Variants in PRKN observed in about 807,000 individuals in gnomAD.
PRKN encodes the protein parkin RBR E3 ubiquitin protein ligase, also known as E3 ubiquitin-protein ligase parkin.
PRKN carries 56 observed loss-of-function variants against 59.5 expected under a neutral mutation model. That is an observed-to-expected ratio of 0.94 (90% CI 0.76 to 1.18). PRKN has a LOEUF of 1.18. PRKN is among the 50% of genes most tolerant of loss of function. PRKN has a pLI of 0.00. For missense variants in PRKN, 657 were observed against 596.4 expected, an observed-to-expected ratio of 1.10 and a Z score of -1.06; for synonymous variants, 250 against 222.1, an observed-to-expected ratio of 1.13 and a Z score of -1.12.
chr6:162,572,497 C>T (rs145103130), intron 1 of PRKN, among the ~76,000 whole-genome samples: 1 of 152,204 alleles, frequency 6.6e-6, no homozygotes, highest in Non-Finnish European at 1.5e-5. Flanking sequence ...TCACAGCATC[C>T]GAATTACTAT....
chr6:161,763,209 G>A (rs557021572), intron 7 of PRKN, among the ~76,000 whole-genome samples: 1 of 152,188 alleles, frequency 6.6e-6, no homozygotes, highest in East Asian at 1.9e-4. Flanking sequence ...CAAATCGTGC[G>A]ACTCTCTGTA....
At chr6:162,358,508 C>T (rs1014190729) in intron 2 of PRKN, among the ~76,000 whole-genome samples, 1 of 152,062 alleles carries the variant, frequency 6.6e-6, no homozygotes, top group Non-Finnish European at 1.5e-5. Context: ...CGTTTAAATG[C>T]TACAAATTTA....
intron 1 of PRKN, among the ~76,000 whole-genome samples, chr6:162,573,684 C>A (rs1054447201): frequency 2.6e-5 from 4 of 152,154 alleles, no homozygotes; most frequent in African/African-American, 9.7e-5. Flanking sequence ...CCATCACCCA[C>A]CCCTTCCTAG....
At chr6:161,952,509 G>C (rs1780027240) in intron 6 of PRKN, among the ~76,000 whole-genome samples, 1 of 152,086 alleles carries the variant, frequency 6.6e-6, no homozygotes, top group African/African-American at 2.4e-5. Context: ...GTTTCAGCCA[G>C]TTGGGAGGCT....
Position 161,920,296 on chromosome 6 carries a change from C to T in PRKN, c.734+53006G>A, listed in dbSNP as rs569343100. 4.6e-5 allele frequency among the ~76,000 whole-genome samples: 7 copies of T among 151,704 alleles called. No homozygotes were observed. The South Asian group carries it at 6.2e-4, about 14-fold the overall frequency. On this transcript the variant is annotated intron_variant, in intron 6 of 11. Transcript: ENST00000366898. ...CTACTTGGGAGGCTGAGGCATGAGACGTGCTTGAACCTAGGAGGTGGAGGT... is the reference window on the plus strand; with the variant it reads ...CTACTTGGGAGGCTGAGGCATGAGATGTGCTTGAACCTAGGAGGTGGAGGT...
rs79368133 is a variant in PRKN, at chr6:161,723,875, C to G, written c.871+61897G>C. 9.8e-4 allele frequency among the ~76,000 whole-genome samples: 149 copies of G among 152,286 alleles called. 5 individuals are homozygous for G. In the East Asian group the frequency reaches 0.022, roughly 23 times the overall value. On this transcript the variant is annotated intron_variant, in intron 7 of 11. Transcript: ENST00000366898. ...GTTCAGCAGACCTGTTCTGCCCTCA[C>G]GGCCTCAACAGGGAAGACAGAGAAC...
At chr6:161,478,411 G>A (rs937594985) in intron 9 of PRKN, among the ~76,000 whole-genome samples, 3 of 151,768 alleles carry the variant, frequency 2.0e-5, no homozygotes, top group Admixed American at 2.0e-4. Context: ...AACACAAGTA[G>A]ATAGGACATA....
chr6:162,664,733 T>G (rs1302513428), intron 1 of PRKN, among the ~76,000 whole-genome samples: 1 of 150,546 alleles, frequency 6.6e-6, no homozygotes, highest in Non-Finnish European at 1.5e-5. Context: ...TTTGATGCTG[T>G]TTTTTTTTCT....
chr6:162,531,392 G>C (rs537134252), intron 1 of PRKN, among the ~76,000 whole-genome samples: 198 of 152,226 alleles, frequency 1.3e-3, no homozygotes, highest in African/African-American at 4.4e-3. Context: ...CCGGCTGTGC[G>C]GGAGACCTGA....
At chr6:161,438,215 ATTT>A (rs34955373) in intron 9 of PRKN, among the ~76,000 whole-genome samples, 11 of 112,438 alleles carry the variant, frequency 9.8e-5, no homozygotes, top group African/African-American at 2.5e-4. Flanking sequence ...AATTCTGTTA[ATTT>A]TTTTTTTTTT....
At chr6:161,704,858 G>T (rs1021714134) in intron 7 of PRKN, among the ~76,000 whole-genome samples, 1 of 152,188 alleles carries the variant, frequency 6.6e-6, no homozygotes, top group South Asian at 2.1e-4. Flanking sequence ...AAAGAGGGTT[G>T]TTCAGGGTCC....
intron 2 of PRKN, among the ~76,000 whole-genome samples, chr6:162,314,321 G>A (rs1406855552): frequency 1.3e-5 from 2 of 152,134 alleles, no homozygotes; most frequent in African/African-American, 4.8e-5. Context: ...ACTACATAGA[G>A]GCCAGCTGGT....
intron 7 of PRKN, among the ~76,000 whole-genome samples, chr6:161,730,231 T>C (rs1251354583): frequency 6.6e-6 from 1 of 150,902 alleles, no homozygotes; most frequent in Non-Finnish European, 1.5e-5. Flanking sequence ...GTTGCATTCT[T>C]TCTGATATGT....
At chr6:162,105,960 C>T (rs1284952261) in intron 4 of PRKN, among the ~76,000 whole-genome samples, 1 of 152,166 alleles carries the variant, frequency 6.6e-6, no homozygotes, top group East Asian at 1.9e-4. Flanking sequence ...GTCATACATA[C>T]TTGCCCGGCC....
In PRKN at chr6:162,090,032, A is replaced by G. The variant is rs73590362; in HGVS notation, c.535-35858T>C. Reference sequence around the variant, plus strand: ...CTGTACACGTAAAGATGGTCAATTTAATGTTAGGAAAATTAAGTCAATCAA... The same window carrying G: ...CTGTACACGTAAAGATGGTCAATTTGATGTTAGGAAAATTAAGTCAATCAA... On this transcript the variant is annotated intron_variant, in intron 4 of 11. Coordinates refer to ENST00000366898, the MANE Select transcript of PRKN (RefSeq NM_004562.3). Among the ~76,000 whole-genome samples, 527 of 152,300 alleles carry G rather than the reference A, an allele frequency of 3.5e-3. 5 individuals are homozygous for G. Among genetic ancestry groups the G allele is most frequent in the African/African-American group, 0.011 (454 of 41,562 alleles).
chr6:162,313,999 G>A (rs1212556725), intron 2 of PRKN, among the ~76,000 whole-genome samples: 1 of 152,134 alleles, frequency 6.6e-6, no homozygotes, highest in Non-Finnish European at 1.5e-5. Flanking sequence ...CTGACAAAAA[G>A]AGAAGTACAC....
intron 9 of PRKN, among the ~76,000 whole-genome samples, chr6:161,506,265 G>C (rs1042126411): frequency 6.6e-5 from 10 of 152,052 alleles, no homozygotes; most frequent in Admixed American, 2.0e-4. Context: ...TGGATTCCTA[G>C]GTATTTTATT....
intron 6 of PRKN, among the ~76,000 whole-genome samples, chr6:161,809,621 T>C (rs572368622): frequency 2.4e-4 from 36 of 152,378 alleles, no homozygotes; most frequent in Non-Finnish European, 4.7e-4. Context: ...TAAGTCACCT[T>C]ATTCACTCAT....
In PRKN at chr6:161,467,053, G is replaced by T. The variant is rs1456278628; in HGVS notation, c.1084-80176C>A. ...GTTCTACATCCCAGAAACCAGGATT[G>T]TTTGCCACTGATTTCATTTTCTTCT... On this transcript the variant is annotated intron_variant, in intron 9 of 11. Coordinates refer to ENST00000366898, the MANE Select transcript of PRKN (RefSeq NM_004562.3). The surrounding 1 kb of genome is among the most constrained non-coding windows in gnomAD (Gnocchi z 4.3). 6.6e-6 allele frequency among the ~76,000 whole-genome samples: 1 copy of T among 152,188 alleles called. No homozygotes were observed. The highest frequency in any genetic ancestry group is 1.5e-5 in the Non-Finnish European group (1 of 68,034).
Sources: allele counts gnomAD v4.1 joint callset (sites outside exome capture counted in the v4.1 genomes callset), GRCh38; gene constraint gnomAD v4.1.1; non-coding constraint Gnocchi (gnomAD v3.1); transcripts MANE v1.5; gene names NCBI Gene and HGNC (gene_info 2026-07-23, HGNC 2026-07-21).